ARID1B: variants seen among roughly 807,000 people sequenced by gnomAD.
ARID1B encodes AT-rich interactive domain-containing protein 1B.
Under a neutral mutation model 212.3 loss-of-function variants are expected in ARID1B, and 30 were observed. The observed-to-expected ratio is 0.14, with a 90% CI of 0.11 to 0.19. The LOEUF is 0.19. Ranked by LOEUF, ARID1B falls within the 10% of genes least tolerant of loss-of-function variation. The probability of loss-of-function intolerance (pLI) is 1.00; values close to 1 mark genes in which losing one functional copy is unlikely to be tolerated. For missense variants in ARID1B, 2,891 were observed against 3,204.0 expected (o/e 0.90, Z 2.36); for synonymous variants, 1,402 against 1,301.7 (o/e 1.08, Z -1.66).
At chr6:156,896,483 G>C (rs1788396356) in intron 2 of ARID1B, among the ~76,000 whole-genome samples, 1 of 147,558 alleles carries the variant, frequency 6.8e-6, no homozygotes. Context: ...GGCTGAGACA[G>C]GAGAATCACC....
chr6:156,778,940 A>AGCTGTGGCGGCGGCG lies in ARID1B; in HGVS notation c.1263_1277dup (p.Val422_Ala426dup). On this transcript the variant is annotated inframe_insertion, in exon 1 of 20. Coordinates refer to ENST00000636930, the MANE Select transcript of ARID1B (RefSeq NM_001374828.1). ...CAGGAGCAGGAGGAGCAGGAGCGGG[A>AGCTGTGGCGGCGGCG]GCTGTGGCGGCGGCGGCCGCGGCGG... The AGCTGTGGCGGCGGCG allele has an allele frequency of 2.3e-6, 3 of 1,284,206 alleles. No homozygotes were observed. Among genetic ancestry groups the AGCTGTGGCGGCGGCG allele is most frequent in the Non-Finnish European group, 2.9e-6 (3 of 1,024,686 alleles). 79.6% of individuals were successfully genotyped at this position (1,284,206 alleles called of 1,614,324 possible).
intron 6 of ARID1B, among the ~76,000 whole-genome samples, chr6:157,118,234 G>C (rs1787460783): frequency 6.6e-6 from 1 of 152,212 alleles, no homozygotes; most frequent in Admixed American, 6.5e-5. Context: ...AGTGGGGTTT[G>C]ATACTTTTTT....
intron 5 of ARID1B, among the ~76,000 whole-genome samples, chr6:157,104,102 TG>T (rs1163636230): frequency 2.6e-5 from 4 of 152,206 alleles, no homozygotes; most frequent in African/African-American, 9.7e-5. Context: ...CCCAAAGTGC[TG>T]GGATTATAGG....
chr6:156,852,102 A>G (rs1360732038), intron 2 of ARID1B, among the ~76,000 whole-genome samples: 1 of 152,070 alleles, frequency 6.6e-6, no homozygotes, highest in South Asian at 2.1e-4. Context: ...CAATTGTAAT[A>G]GCCTTCACAA....
chr6:157,023,445 T>C (rs1780454437), intron 4 of ARID1B: 1 of 152,208 alleles, frequency 6.6e-6, no homozygotes, highest in Admixed American at 6.5e-5. Flanking sequence ...AGAAGGGATA[T>C]GTACAATTAA....
At chr6:156,905,250 G>GCGCGCGCACACACACACA (rs1554265935) in intron 3 of ARID1B, among the ~76,000 whole-genome samples, 23 of 143,836 alleles carry the variant, frequency 1.6e-4, no homozygotes, top group African/African-American at 5.7e-4. Context: ...ACATATGCAC[G>GCGCGCGCACACACACACA]CACACACACA....
intron 6 of ARID1B, among the ~76,000 whole-genome samples, chr6:157,125,973 C>T (rs1788109126): frequency 6.6e-6 from 1 of 152,160 alleles, no homozygotes; most frequent in South Asian, 2.1e-4. Context: ...TCCTCGAGGG[C>T]AAGGATCACA....
intron 9 of ARID1B, 146 bp downstream of exon 9, chr6:157,167,331 C>A: frequency 1.1e-6 from 1 of 898,656 alleles, no homozygotes; most frequent in Non-Finnish European, 1.6e-6. Flanking sequence ...TTCTCAGAAA[C>A]TTGCTCCATC....
At chr6:156,835,364 A>G (rs1783439612) in intron 2 of ARID1B, among the ~76,000 whole-genome samples, 1 of 152,108 alleles carries the variant, frequency 6.6e-6, no homozygotes, top group South Asian at 2.1e-4. Flanking sequence ...ACATTCTTGG[A>G]ATGATATGTT....
intron 1 of ARID1B, among the ~76,000 whole-genome samples, chr6:156,799,797 A>G (rs538318994): frequency 7.2e-5 from 11 of 152,172 alleles, no homozygotes; most frequent in African/African-American, 2.2e-4. Context: ...TTGATATTCT[A>G]TGAAGATACT....
At chr6:157,117,015 G>A (rs1787364694) in intron 6 of ARID1B, among the ~76,000 whole-genome samples, 1 of 152,118 alleles carries the variant, frequency 6.6e-6, no homozygotes, top group Non-Finnish European at 1.5e-5. Flanking sequence ...CAAACATAGA[G>A]ATCTTGACAG....
At chr6:157,205,012 A>G (rs1003863353) in intron 19 of ARID1B, 8 of 152,260 alleles carry the variant, frequency 5.3e-5, no homozygotes, top group Admixed American at 5.2e-4. Context: ...TTAACAGAAA[A>G]TAAGTATTTA....
intron 1 of ARID1B, among the ~76,000 whole-genome samples, chr6:156,797,220 G>T (rs1291334140): frequency 6.6e-6 from 1 of 152,194 alleles, no homozygotes; most frequent in Non-Finnish European, 1.5e-5. Flanking sequence ...CTTTCATAAG[G>T]CTTACCTTCC....
intron 7 of ARID1B, among the ~76,000 whole-genome samples, chr6:157,135,571 G>A (rs1370228763): frequency 6.6e-6 from 1 of 152,168 alleles, no homozygotes; most frequent in East Asian, 1.9e-4. Flanking sequence ...GTGCTCCTGG[G>A]TTCCTGCATC....
intron 2 of ARID1B, among the ~76,000 whole-genome samples, chr6:156,831,405 G>T (rs1437979055): frequency 6.6e-6 from 1 of 152,234 alleles, no homozygotes; most frequent in East Asian, 1.9e-4. Context: ...CCTGATGTGA[G>T]ATTAAAAAGT....
intron 4 of ARID1B, 130 bp from the exon 5 acceptor site, chr6:157,084,531 CT>C: frequency 2.5e-6 from 3 of 1,195,202 alleles, no homozygotes; most frequent in Non-Finnish European, 3.5e-6. Context: ...AGTGGCCATG[CT>C]TTTTTATTTT....
chr6:156,893,692 A>G (rs1269144629), intron 2 of ARID1B, among the ~76,000 whole-genome samples: 1 of 152,208 alleles, frequency 6.6e-6, no homozygotes, highest in East Asian at 1.9e-4. Context: ...AACAGCACTG[A>G]TCATTAGAGA....
chr6:156,962,082 G>C (rs1480361976), intron 4 of ARID1B, among the ~76,000 whole-genome samples: 1 of 151,926 alleles, frequency 6.6e-6, no homozygotes, highest in African/African-American at 2.4e-5. Flanking sequence ...GGTGGATCAC[G>C]AGGTCAGGAG....
chr6:156,866,627 C>T (rs1785713734), intron 2 of ARID1B, among the ~76,000 whole-genome samples: 1 of 152,052 alleles, frequency 6.6e-6, no homozygotes, highest in African/African-American at 2.4e-5. Flanking sequence ...TCCAGAGTCT[C>T]TTTAGGTTAA....
Sources: gnomAD v4.1 joint callset for allele counts (sites outside exome capture counted in the v4.1 genomes callset) on GRCh38, gnomAD v4.1.1 for gene constraint, MANE v1.5 for transcripts, NCBI Gene and HGNC (gene_info 2026-07-23, HGNC 2026-07-21) for gene names.